The following RHPN2 variants were observed in gnomAD, a reference collection of about 807,000 sequenced individuals.
RHPN2 encodes the protein rhophilin Rho GTPase binding protein 2.
In RHPN2, 40 loss-of-function variants were observed where a neutral mutation model predicts 79.0. The ratio of observed to expected loss-of-function variants is 0.51; its 90% confidence interval spans 0.39 to 0.66. RHPN2 has a LOEUF of 0.66. Ranked by LOEUF, RHPN2 falls within the 30% of genes least tolerant of loss-of-function variation. The pLI is 0.00. For missense variants in RHPN2, 686 were observed against 883.5 expected, an observed-to-expected ratio of 0.78 and a Z score of 2.83; for synonymous variants, 285 against 363.5, an observed-to-expected ratio of 0.78 and a Z score of 2.46.
intron 12 of RHPN2, among the ~76,000 whole-genome samples, chr19:32,993,751 G>A (rs7255448): frequency 0.24 from 36,666 of 151,942 alleles, 4,603 homozygotes; most frequent in East Asian, 0.37. Flanking sequence ...CAGGTAGAAG[G>A]CCCCACCTAT....
rs375704729 is a variant in RHPN2 at position 33,056,761 on chromosome 19, G to A, written c.69+8023C>T. Among the ~76,000 whole-genome samples the A allele has an allele frequency of 4.4e-4, 67 of 152,160 alleles. No homozygotes were observed. In the South Asian group the frequency reaches 9.3e-3, roughly 21 times the overall value. Reference sequence around the variant, plus strand: ...TGAGAAGCCAGGGAAAGCTGGGTGCGGTGGCTCATGCCTGTAATCCGAGCA... The same window carrying A: ...TGAGAAGCCAGGGAAAGCTGGGTGCAGTGGCTCATGCCTGTAATCCGAGCA... On this transcript the variant is annotated intron_variant, in intron 1 of 14. Coordinates refer to ENST00000254260, the MANE Select transcript of RHPN2 (RefSeq NM_033103.5).
intron 7 of RHPN2, among the ~76,000 whole-genome samples, chr19:33,007,810 G>A (rs1204168275): frequency 2.0e-5 from 3 of 148,388 alleles, no homozygotes; most frequent in African/African-American, 5.0e-5. Flanking sequence ...TGATCCACCC[G>A]CTTTGGCCTC....
chr19:33,036,767 G>T (rs1467533059), intron 2 of RHPN2, among the ~76,000 whole-genome samples: 1 of 152,204 alleles, frequency 6.6e-6, no homozygotes, highest in Non-Finnish European at 1.5e-5. Flanking sequence ...GGGCAGTGAG[G>T]GGCTTAGCAC....
chr19:33,048,725 C>CAATAAAAA (rs1972162517), intron 1 of RHPN2, among the ~76,000 whole-genome samples: 1 of 62,674 alleles, frequency 1.6e-5, no homozygotes, highest in Non-Finnish European at 2.9e-5. Context: ...GACTCAGTCT[C>CAATAAAAA]AAAAAAAAAA....
chr19:33,052,987 T>TA (rs1972201255), intron 1 of RHPN2, among the ~76,000 whole-genome samples: 1 of 151,916 alleles, frequency 6.6e-6, no homozygotes, highest in African/African-American at 2.4e-5. Flanking sequence ...TTTTTTTTTT[T>TA]TTGAGACGAA....
intron 2 of RHPN2, among the ~76,000 whole-genome samples, chr19:33,031,987 G>A (rs1174195242): frequency 6.6e-6 from 1 of 150,802 alleles, no homozygotes; most frequent in Non-Finnish European, 1.5e-5. Context: ...CAAAGTGCTG[G>A]GATTACAGGC....
At chr19:33,031,868 C>T (rs930264369) in intron 2 of RHPN2, among the ~76,000 whole-genome samples, 11 of 151,276 alleles carry the variant, frequency 7.3e-5, no homozygotes, top group Non-Finnish European at 1.0e-4. Context: ...TACAGGCGCC[C>T]GCCACCACGC....
intron 4 of RHPN2, among the ~76,000 whole-genome samples, chr19:33,017,577 C>T (rs755995478): frequency 2.7e-4 from 41 of 151,318 alleles, no homozygotes; most frequent in African/African-American, 8.3e-4. Context: ...AATAGAGATG[C>T]GGCTGGGTGT....
At chr19:32,981,604 A>G (rs1971575589) in intron 14 of RHPN2, among the ~76,000 whole-genome samples, 1 of 151,758 alleles carries the variant, frequency 6.6e-6, no homozygotes, top group Admixed American at 6.6e-5. Flanking sequence ...ATGATGTACA[A>G]GTATTTCTAT....
In RHPN2 at chr19:32,993,965, CA is replaced by C. The variant is rs1173823595; in HGVS notation, c.1497+11del. 6.3e-7 allele frequency: 1 copy of C among 1,595,836 alleles called. No individual in the cohort carries two copies. Among genetic ancestry groups the C allele is most frequent in the African/African-American group, 1.3e-5 (1 of 74,522 alleles). ...CCTTAGGTCATTTGAATGTAGAGAGCATTCAACATACCAGCTTCTGGAAGAA... is the reference window on the plus strand; with the variant it reads ...CCTTAGGTCATTTGAATGTAGAGAGCTTCAACATACCAGCTTCTGGAAGAA... On this transcript the variant is annotated intron_variant, in intron 12 of 14. Transcript: ENST00000254260.
At chr19:32,999,090 G>A (rs1251712582) in intron 10 of RHPN2, among the ~76,000 whole-genome samples, 2 of 151,894 alleles carry the variant, frequency 1.3e-5, no homozygotes, top group Admixed American at 1.3e-4. Flanking sequence ...CTAGAGGGGT[G>A]GGAGTTGCCA....
intron 7 of RHPN2, among the ~76,000 whole-genome samples, chr19:33,005,114 T>A (rs1338234180): frequency 6.6e-6 from 1 of 151,312 alleles, no homozygotes; most frequent in Non-Finnish European, 1.5e-5. Context: ...CCCCTGGACC[T>A]CAAGAAAGAT....
intron 7 of RHPN2, among the ~76,000 whole-genome samples, chr19:33,007,440 C>T: frequency 6.6e-6 from 1 of 151,486 alleles, no homozygotes. Flanking sequence ...TGAGCCGAGA[C>T]CATGCCACTG....
chr19:33,055,731 GT>G (rs1207059018), intron 1 of RHPN2, among the ~76,000 whole-genome samples: 1 of 93,920 alleles, frequency 1.1e-5, no homozygotes, highest in Non-Finnish European at 1.7e-5. Context: ...GAGCTTCTGG[GT>G]TAAAAAAAAA....
chr19:33,062,496 G>A (rs939750762), intron 1 of RHPN2, among the ~76,000 whole-genome samples: 2 of 149,530 alleles, frequency 1.3e-5, no homozygotes, highest in South Asian at 2.1e-4. Context: ...GTAGCCGGGC[G>A]CAGTGGCTTA....
intron 1 of RHPN2, among the ~76,000 whole-genome samples, chr19:33,060,210 G>A (rs1252456350): frequency 6.6e-6 from 1 of 152,136 alleles, no homozygotes. Flanking sequence ...GCAGTGGCGT[G>A]ATCTCGGCTC....
chr19:32,981,877 T>C (rs1971578245), intron 14 of RHPN2, among the ~76,000 whole-genome samples: 1 of 151,968 alleles, frequency 6.6e-6, no homozygotes, highest in Admixed American at 6.6e-5. Flanking sequence ...TGAAACTTTG[T>C]ACCATTAAAC....
At chr19:32,981,437 GGAAGA>G (rs1971573849) in intron 14 of RHPN2, among the ~76,000 whole-genome samples, 1 of 112,698 alleles carries the variant, frequency 8.9e-6, no homozygotes, top group Non-Finnish European at 1.8e-5. Flanking sequence ...CGGGGGGAAG[GGAAGA>G]GGGGAAAGGA....
intron 14 of RHPN2, among the ~76,000 whole-genome samples, chr19:32,989,567 AT>A (rs971956162): frequency 1.3e-5 from 2 of 151,774 alleles, no homozygotes; most frequent in Admixed American, 1.3e-4. Context: ...TACCATTAGA[AT>A]TTTTTTTTGT....
Sources: allele counts gnomAD v4.1 joint callset (sites outside exome capture counted in the v4.1 genomes callset), GRCh38; gene constraint gnomAD v4.1.1; transcripts MANE v1.5; gene names NCBI Gene and HGNC (gene_info 2026-07-23, HGNC 2026-07-21).